Variants in GANC observed in about 807,000 individuals in gnomAD.
GANC encodes neutral alpha-glucosidase C.
GANC carries 117 observed loss-of-function variants against 124.2 expected under a neutral mutation model. That is an observed-to-expected ratio of 0.94 (90% CI 0.81 to 1.10). The LOEUF (loss-of-function observed/expected upper bound fraction) is 1.10. Among genes scored for constraint, GANC ranks in the 50% least tolerant of loss-of-function variants. The pLI is 0.00. For missense variants in GANC, 1,140 were observed against 1,095.0 expected (o/e 1.04, Z -0.58); for synonymous variants, 377 against 376.8 (o/e 1.00, Z -0.01).
chr15:42,351,306 A>C (rs1386031214), intron 22 of GANC, 23 bp from the exon 23 acceptor site: 1 of 1,572,794 alleles, frequency 6.4e-7, no homozygotes, highest in Non-Finnish European at 8.7e-7. Flanking sequence ...CTCTCCTTTT[A>C]ATACTGTTTG....
chr15:42,343,774 A>G (rs1286820406), intron 19 of GANC, among the ~76,000 whole-genome samples: 1 of 152,214 alleles, frequency 6.6e-6, no homozygotes, highest in African/African-American at 2.4e-5. Flanking sequence ...ATGGGTAATA[A>G]GAGCAGCCTT....
intron 6 of GANC, among the ~76,000 whole-genome samples, chr15:42,304,341 G>A (rs1403392922): frequency 6.6e-6 from 1 of 152,096 alleles, no homozygotes; most frequent in East Asian, 1.9e-4. Flanking sequence ...AGAATCTCTG[G>A]GACACAGCCA....
At chr15:42,338,342 G>A (rs1190509660) in intron 15 of GANC, 47 bp from the exon 16 acceptor site, 7 of 1,313,442 alleles carry the variant, frequency 5.3e-6, no homozygotes, top group African/African-American at 2.9e-5. Flanking sequence ...GAAATTGAAC[G>A]CATGGGTTGA....
intron 4 of GANC, among the ~76,000 whole-genome samples, chr15:42,289,241 T>C (rs887493937): frequency 5.9e-5 from 9 of 152,156 alleles, no homozygotes; most frequent in Non-Finnish European, 1.2e-4. Flanking sequence ...AGAACTGAGT[T>C]CCCCATTTTG....
chr15:42,306,749 C>T (rs987902586), intron 7 of GANC, 137 bp downstream of exon 7: 1 of 618,236 alleles, frequency 1.6e-6, no homozygotes, highest in East Asian at 2.8e-5. Context: ...ATCAGATTTG[C>T]TATCCTTCAG....
Position 42,273,309 on chromosome 15 carries a change from T to C in GANC, c.-1173T>C. The C allele has an allele frequency of 6.2e-7, 1 of 1,614,124 alleles. No individual in the cohort carries two copies. Among genetic ancestry groups the C allele is most frequent in the Non-Finnish European group, 8.5e-7 (1 of 1,180,010 alleles). On this transcript the variant is annotated 5_prime_UTR_variant, in exon 1 of 24. Transcript: ENST00000318010. ...GGTCGGCAGCAGCTACGGTTGCCGG[T>C]CCCGCACTGAAAAACGACAGTGGTG...
chr15:42,333,023 A>AATAT (rs3035933), intron 15 of GANC, among the ~76,000 whole-genome samples: 96,652 of 140,148 alleles, frequency 0.69, 35,185 homozygotes, highest in Non-Finnish European at 0.82. Flanking sequence ...TGTCTCAAAA[A>AATAT]ATATATATAT....
At chr15:42,297,578 TTGAG>T in intron 5 of GANC, 29 bp from the exon 6 acceptor site, 1 of 1,583,796 alleles carries the variant, frequency 6.3e-7, no homozygotes, top group Non-Finnish European at 8.6e-7. Context: ...AGTCTTGCCA[TTGAG>T]TGAAACAACT....
rs187247821 is a variant in GANC, at chr15:42,297,600, C to T, written c.513-11C>T. 143 of 1,608,966 alleles carry T rather than the reference C, an allele frequency of 8.9e-5. No homozygotes were observed. The Admixed American group carries it at 1.4e-3, about 15-fold the overall frequency. ...CCATTGAGTGAAACAACTTTATTTACGTTAAAACAGAGCTGCTAAAGAAAA... is the reference window on the plus strand; with the variant it reads ...CCATTGAGTGAAACAACTTTATTTATGTTAAAACAGAGCTGCTAAAGAAAA... On this transcript the variant is annotated splice_polypyrimidine_tract_variant and intron_variant, in intron 5 of 23. Coordinates refer to ENST00000318010, the MANE Select transcript of GANC (RefSeq NM_198141.3).
intron 10 of GANC, among the ~76,000 whole-genome samples, chr15:42,311,635 C>T (rs896823004): frequency 2.0e-5 from 3 of 152,070 alleles, no homozygotes; most frequent in Non-Finnish European, 4.4e-5. Context: ...CACATCTTAC[C>T]TGGTCGGAGC....
At chr15:42,274,714 A>G (rs1367954101) in intron 1 of GANC, among the ~76,000 whole-genome samples, 1 of 152,122 alleles carries the variant, frequency 6.6e-6, no homozygotes. Context: ...TGGCTCACGC[A>G]GGTAATCCCA....
chr15:42,308,282 C>G lies in GANC; in HGVS notation c.686C>G (p.Pro229Arg). 2 of 1,609,028 alleles carry G rather than the reference C, an allele frequency of 1.2e-6. No homozygotes were observed. Among genetic ancestry groups the G allele is most frequent in the Non-Finnish European group, 1.7e-6 (2 of 1,176,174 alleles). Residue 229 changes from proline (P) to arginine (R), a missense_variant, in exon 8 of 24, where the codon CCA becomes CGA. By Grantham distance (103) the Pro-to-Arg change is moderately radical. Transcript: ENST00000318010. ...LHGFEHLYGI[P>R]QHAESHQLKN... is the part of the protein sequence containing the mutation. The stretch of plus-strand genomic sequence containing the variant: ...GGATTTGAGCATCTTTATGGGATCC[C>G]ACAACATGCAGAATCACACCAACTT...
chr15:42,332,743 G>A (rs2052255823), intron 15 of GANC, among the ~76,000 whole-genome samples: 1 of 151,652 alleles, frequency 6.6e-6, no homozygotes, highest in Non-Finnish European at 1.5e-5. Context: ...GCCAGGCACA[G>A]TGGCTCAAAC....
At chr15:42,318,706 A>C (rs1566956744) in intron 10 of GANC, among the ~76,000 whole-genome samples, 1 of 152,032 alleles carries the variant, frequency 6.6e-6, no homozygotes, top group Non-Finnish European at 1.5e-5. Flanking sequence ...CACACCTCAG[A>C]ATCCTGAGTA....
chr15:42,320,911 T>TA (rs1470692121), intron 10 of GANC, among the ~76,000 whole-genome samples: 1 of 152,148 alleles, frequency 6.6e-6, no homozygotes, highest in Non-Finnish European at 1.5e-5. Context: ...GGCCAACAGT[T>TA]ACCACCCTGC....
chr15:42,274,535 G>A (rs199624233), intron 1 of GANC, 25 bp downstream of exon 1: 3 of 1,601,060 alleles, frequency 1.9e-6, no homozygotes, highest in East Asian at 2.2e-5. Context: ...CTTCTGTAGC[G>A]AGTGACCCCA....
intron 7 of GANC, 149 bp from the exon 8 acceptor site, chr15:42,308,073 G>A (rs2052015135): frequency 2.0e-6 from 1 of 499,624 alleles, no homozygotes; most frequent in African/African-American, 1.9e-5. Flanking sequence ...ATCTCACAGA[G>A]GGTCAGTACA....
At chr15:42,293,815 C>T (rs1302685275) in intron 5 of GANC, among the ~76,000 whole-genome samples, 2 of 151,696 alleles carry the variant, frequency 1.3e-5, no homozygotes, top group Admixed American at 6.5e-5. Flanking sequence ...ACACTTTTGC[C>T]GAGGTGGCAA....
At chr15:42,302,888 C>G (rs2051960012) in intron 6 of GANC, among the ~76,000 whole-genome samples, 1 of 152,136 alleles carries the variant, frequency 6.6e-6, no homozygotes, top group Non-Finnish European at 1.5e-5. Flanking sequence ...ATTGATACAC[C>G]TGAAAATGAC....
Sources: gnomAD v4.1 joint callset for allele counts (sites outside exome capture counted in the v4.1 genomes callset) on GRCh38, gnomAD v4.1.1 for gene constraint, MANE v1.5 for transcripts, NCBI Gene and HGNC (gene_info 2026-07-23, HGNC 2026-07-21) for gene names.